Variants in HHIP observed in about 807,000 individuals in gnomAD.
HHIP encodes hedgehog-interacting protein.
In HHIP, 12 loss-of-function variants were observed where a neutral mutation model predicts 74.0. The ratio of observed to expected loss-of-function variants is 0.16; its 90% confidence interval spans 0.10 to 0.26. HHIP has a LOEUF of 0.26. Among genes scored for constraint, HHIP ranks in the 10% least tolerant of loss-of-function variants. HHIP has a pLI of 1.00. For synonymous variants in HHIP, 309 were observed against 311.6 expected (o/e 0.99, Z 0.09); for missense variants, 788 against 845.0 (o/e 0.93, Z 0.84).
intron 11 of HHIP, among the ~76,000 whole-genome samples, chr4:144,725,881 G>T (rs999486080): frequency 3.3e-5 from 5 of 152,152 alleles, no homozygotes; most frequent in Non-Finnish European, 5.9e-5. Context: ...ATGTTGGCCA[G>T]GCTGGTCTCG....
At chr4:144,727,222 T>A (rs1318132126) in intron 11 of HHIP, among the ~76,000 whole-genome samples, 1 of 152,178 alleles carries the variant, frequency 6.6e-6, no homozygotes. Flanking sequence ...TGCCACCTTC[T>A]CACTGTATCC....
intron 6 of HHIP, among the ~76,000 whole-genome samples, 196 bp downstream of exon 6, chr4:144,707,456 T>G (rs1021659985): frequency 2.6e-5 from 4 of 152,124 alleles, no homozygotes; most frequent in African/African-American, 9.7e-5. Flanking sequence ...TTGTTTGTCA[T>G]GAAAAGAGTT....
chr4:144,695,063 T>C (rs962806413), intron 4 of HHIP, among the ~76,000 whole-genome samples: 16 of 151,842 alleles, frequency 1.1e-4, no homozygotes, highest in African/African-American at 3.4e-4. Flanking sequence ...TAAGGGGGTC[T>C]GAAAAAGTTA....
intron 2 of HHIP, among the ~76,000 whole-genome samples, chr4:144,657,588 T>TA (rs1379302766): frequency 6.6e-6 from 1 of 152,168 alleles, no homozygotes; most frequent in African/African-American, 2.4e-5. Context: ...AGAAAGGTAA[T>TA]ACCTTATTAA....
Position 144,737,952 on chromosome 4 carries a change from G to T in HHIP, c.2098G>T (p.Val700Leu). 1 of 1,592,104 alleles carries T rather than the reference G, an allele frequency of 6.3e-7. No individual in the cohort carries two copies. The highest frequency in any genetic ancestry group is 8.6e-7 in the Non-Finnish European group (1 of 1,169,404). Residue 700 changes from valine (V) to leucine (L), a missense_variant, in exon 13 of 13, where the codon GTA becomes TTA. Val to Leu is a conservative substitution (Grantham distance 32). Transcript: ENST00000296575. ...SYLLDLTSYI[V>L] The stretch of plus-strand genomic sequence containing the variant: ...CTTGCTGGATCTAACAAGTTACATT[G>T]TATAGTTTCTGGGACTGTTTGAATA...
intron 2 of HHIP, among the ~76,000 whole-genome samples, chr4:144,653,718 C>A (rs1038749232): frequency 1.3e-5 from 2 of 152,046 alleles, no homozygotes; most frequent in African/African-American, 4.8e-5. Flanking sequence ...GTGCTATGTA[C>A]ATTTTACTTT....
In HHIP at chr4:144,652,802, G is replaced by GAA; in HGVS notation, c.472+13_472+14dup. ...CTTGCCGAGGCCATATTCCAGGTAA[G>GAA]AAAAAAAAATGCATAAGTAAAATAA... On this transcript the variant is annotated splice_donor_region_variant and intron_variant, in intron 2 of 12. Transcript: ENST00000296575. 2.0e-6 allele frequency: 3 copies of GAA among 1,535,132 alleles called. No homozygotes were observed. The highest frequency in any genetic ancestry group is 2.6e-6 in the Non-Finnish European group (3 of 1,136,624).
intron 2 of HHIP, 79 bp from the exon 3 acceptor site, chr4:144,658,711 C>T: frequency 3.3e-6 from 4 of 1,214,374 alleles, no homozygotes; most frequent in Middle Eastern, 4.0e-4. Context: ...AATTCTTTTC[C>T]TCATCTTATA....
intron 7 of HHIP, among the ~76,000 whole-genome samples, chr4:144,709,412 T>A (rs1730228893): frequency 6.6e-6 from 1 of 152,140 alleles, no homozygotes. Flanking sequence ...ACAATCCCGC[T>A]GGAGCTTTCT....
At chr4:144,725,299 T>C (rs989596815) in intron 11 of HHIP, among the ~76,000 whole-genome samples, 1 of 152,206 alleles carries the variant, frequency 6.6e-6, no homozygotes, top group Non-Finnish European at 1.5e-5. Context: ...AAAAATTTGT[T>C]ACTTAAATGA....
At chr4:144,669,278 CAA>C (rs1012972296) in intron 4 of HHIP, among the ~76,000 whole-genome samples, 68 of 152,214 alleles carry the variant, frequency 4.5e-4, no homozygotes, top group African/African-American at 1.3e-3. Flanking sequence ...TGCTATTTAT[CAA>C]GACCATTTTA....
chr4:144,686,344 G>A (rs1257789677), intron 4 of HHIP, among the ~76,000 whole-genome samples: 1 of 152,052 alleles, frequency 6.6e-6, no homozygotes, highest in Non-Finnish European at 1.5e-5. Context: ...AGTCTTTGGG[G>A]AAAATGCTGC....
intron 4 of HHIP, among the ~76,000 whole-genome samples, chr4:144,674,345 A>C (rs1339442869): frequency 6.6e-6 from 1 of 152,204 alleles, no homozygotes; most frequent in Non-Finnish European, 1.5e-5. Flanking sequence ...TGTTAAACTC[A>C]ATATCTTATG....
At chr4:144,669,284 C>T (rs141084326) in intron 4 of HHIP, among the ~76,000 whole-genome samples, 1 of 152,108 alleles carries the variant, frequency 6.6e-6, no homozygotes, top group Non-Finnish European at 1.5e-5. Flanking sequence ...TTATCAAGAC[C>T]ATTTTATAAC....
At chr4:144,707,398 C>A in intron 6 of HHIP, 138 bp downstream of exon 6, 1 of 657,236 alleles carries the variant, frequency 1.5e-6, no homozygotes, top group Admixed American at 3.2e-5. Context: ...TCATCAGTGT[C>A]TGCATTTATG....
chr4:144,659,213 T>G (rs1728634259), intron 3 of HHIP, among the ~76,000 whole-genome samples: 1 of 152,254 alleles, frequency 6.6e-6, no homozygotes, highest in Admixed American at 6.5e-5. Context: ...ATTTTATGAT[T>G]GTTGTTAGTC....
At chr4:144,649,523 A>C (rs939461418) in intron 1 of HHIP, among the ~76,000 whole-genome samples, 5 of 152,202 alleles carry the variant, frequency 3.3e-5, no homozygotes, top group African/African-American at 7.2e-5. Context: ...ATGACAAATA[A>C]GTACTGTCAA....
chr4:144,744,569 G>A lies in HHIP; in HGVS notation c.*6612G>A, dbSNP rs1029459355. On this transcript the variant is annotated 3_prime_UTR_variant, in exon 13 of 13. Transcript: ENST00000296575. ...TGTACTAGGTGAGATTTCTATAAATGTCTGAAAAGTTACATGCATAGTCAT... is the reference window on the plus strand; with the variant it reads ...TGTACTAGGTGAGATTTCTATAAATATCTGAAAAGTTACATGCATAGTCAT... The A allele has an allele frequency of 6.6e-6, 1 of 152,164 alleles. No individual in the cohort carries two copies. Among genetic ancestry groups the A allele is most frequent in the African/African-American group, 2.4e-5 (1 of 41,446 alleles). The allele number at this position is 152,164 out of a possible 1,614,324, so 9.4% of individuals were successfully genotyped here.
chr4:144,654,540 C>T (rs1374289513), intron 2 of HHIP, among the ~76,000 whole-genome samples: 2 of 152,148 alleles, frequency 1.3e-5, no homozygotes, highest in African/African-American at 2.4e-5. Context: ...CAATACTTGC[C>T]CCAAAAGTGA....
Sources: allele counts gnomAD v4.1 joint callset (sites outside exome capture counted in the v4.1 genomes callset), GRCh38; gene constraint gnomAD v4.1.1; transcripts MANE v1.5; gene names NCBI Gene and HGNC (gene_info 2026-07-23, HGNC 2026-07-21).